MRTFA: variants seen among roughly 807,000 people sequenced by gnomAD.
MRTFA encodes the protein myocardin related transcription factor A, also known as myocardin-related transcription factor A.
Under a neutral mutation model 83.5 loss-of-function variants are expected in MRTFA, and 20 were observed. The observed-to-expected ratio is 0.24, with a 90% confidence interval of 0.17 to 0.35. The LOEUF (loss-of-function observed/expected upper bound fraction) is 0.35, where lower values mean the gene tolerates loss of function less well. Ranked by LOEUF, MRTFA falls within the 10% of genes least tolerant of loss-of-function variation. The probability of loss-of-function intolerance (pLI) is 1.00; values close to 1 mark genes in which losing one functional copy is unlikely to be tolerated. For missense variants in MRTFA, 1,200 were observed against 1,224.7 expected (o/e 0.98, Z 0.30); for synonymous variants, 659 against 541.2 (o/e 1.22, Z -3.02).
intron 1 of MRTFA, among the ~76,000 whole-genome samples, chr22:40,605,301 T>A (rs1354590781): frequency 6.6e-6 from 1 of 152,208 alleles, no homozygotes; most frequent in African/African-American, 2.4e-5. Flanking sequence ...AAAACCAATT[T>A]CAAACTTCTC....
intron 4 of MRTFA, among the ~76,000 whole-genome samples, chr22:40,450,836 G>T (rs995879132): frequency 6.6e-6 from 1 of 152,116 alleles, no homozygotes; most frequent in Non-Finnish European, 1.5e-5. Flanking sequence ...ATTCCAATGT[G>T]GACAAGAACC....
intron 3 of MRTFA, among the ~76,000 whole-genome samples, chr22:40,517,610 A>T (rs1388181502): frequency 6.6e-6 from 1 of 152,154 alleles, no homozygotes; most frequent in Non-Finnish European, 1.5e-5. Context: ...GCCACACTGC[A>T]ATGTTGTGAT....
intron 1 of MRTFA, among the ~76,000 whole-genome samples, chr22:40,615,904 T>G (rs1455237228): frequency 1.3e-5 from 2 of 152,040 alleles, no homozygotes; most frequent in Non-Finnish European, 2.9e-5. Flanking sequence ...AGGCTGGTCT[T>G]GAACTCCTAA....
intron 1 of MRTFA, among the ~76,000 whole-genome samples, chr22:40,601,120 T>C (rs2056254367): frequency 1.3e-5 from 2 of 152,218 alleles, no homozygotes; most frequent in African/African-American, 4.8e-5. Context: ...TGACCATTAT[T>C]AAGACTCAGA....
In MRTFA at chr22:40,464,507, T is replaced by TA. The variant is rs571765005; in HGVS notation, c.242-1222dup. Among the ~76,000 whole-genome samples the TA allele has an allele frequency of 1.2e-3, 157 of 129,022 alleles. 2 individuals are homozygous for TA. The South Asian group carries it at 0.012, about 10-fold the overall frequency. 84.6% of individuals were successfully genotyped at this position (129,022 alleles called of 152,430 possible). A position where few individuals can be genotyped will look rare whatever the true frequency, so the allele number is the denominator to read the frequency against. On this transcript the variant is annotated intron_variant, in intron 3 of 14. Transcript: ENST00000355630. ...CTGGGCAACAGAGCAAGACCCCGTC[T>TA]AAAAAAAAAAAAGAAAGAAAAAAAA...
chr22:40,534,211 CT>C (rs1299379388), intron 3 of MRTFA, among the ~76,000 whole-genome samples: 1 of 152,112 alleles, frequency 6.6e-6, no homozygotes, highest in Admixed American at 6.5e-5. Flanking sequence ...ATTCCAACGG[CT>C]TTTTTATATG....
chr22:40,598,035 T>C (rs1325027007), intron 1 of MRTFA, among the ~76,000 whole-genome samples: 2 of 152,182 alleles, frequency 1.3e-5, no homozygotes, highest in Admixed American at 6.5e-5. Context: ...ACTAAAACAA[T>C]AGTCCTTCAA....
intron 3 of MRTFA, among the ~76,000 whole-genome samples, chr22:40,470,282 A>AGAG (rs2053886396): frequency 1.3e-5 from 1 of 79,132 alleles, no homozygotes; most frequent in South Asian, 4.7e-4. Context: ...TATATATATA[A>AGAG]AGAAACATAA....
intron 3 of MRTFA, among the ~76,000 whole-genome samples, chr22:40,542,596 C>T (rs560230735): frequency 3.3e-5 from 5 of 152,160 alleles, no homozygotes; most frequent in African/African-American, 1.2e-4. Context: ...ATTATTTAAG[C>T]CAATATTTCC....
chr22:40,472,407 G>T (rs1028731014), intron 3 of MRTFA, among the ~76,000 whole-genome samples: 2 of 152,226 alleles, frequency 1.3e-5, no homozygotes, highest in African/African-American at 2.4e-5. Flanking sequence ...CTAATAAGCA[G>T]TAAGTAGCCT....
At chr22:40,479,528 A>T (rs2054053801) in intron 3 of MRTFA, among the ~76,000 whole-genome samples, 2 of 152,290 alleles carry the variant, frequency 1.3e-5, no homozygotes, top group Non-Finnish European at 2.9e-5. Flanking sequence ...AAAATAAAAT[A>T]AAAAACATGG....
intron 3 of MRTFA, among the ~76,000 whole-genome samples, chr22:40,511,719 G>T (rs983203010): frequency 1.3e-5 from 2 of 152,178 alleles, no homozygotes; most frequent in African/African-American, 4.8e-5. Flanking sequence ...TGGCACTGTG[G>T]CAAGTGCCTA....
intron 2 of MRTFA, among the ~76,000 whole-genome samples, chr22:40,583,467 G>C (rs2055979600): frequency 6.6e-6 from 1 of 152,186 alleles, no homozygotes; most frequent in African/African-American, 2.4e-5. Flanking sequence ...AGAGAATGTT[G>C]CAAGTAATCA....
chr22:40,498,288 T>A (rs1376597577), intron 3 of MRTFA, among the ~76,000 whole-genome samples: 35 of 110,660 alleles, frequency 3.2e-4, no homozygotes, highest in Middle Eastern at 4.0e-3. Context: ...TTTTTTTTTT[T>A]TTTTTTTTTT....
rs545575581 is a variant in MRTFA at position 40,469,486 on chromosome 22, C to A, written c.242-6200G>T. Among the ~76,000 whole-genome samples, 6 of 152,272 alleles carry A rather than the reference C, an allele frequency of 3.9e-5. No homozygotes were observed. The South Asian group carries it at 1.2e-3, about 32-fold the overall frequency. On this transcript the variant is annotated intron_variant, in intron 3 of 14. Coordinates refer to ENST00000355630, the MANE Select transcript of MRTFA (RefSeq NM_020831.6). ...AGCAGACGCTGGTGCAATGCTTGTA[C>A]AGCCTGAAAAACCATGAGCCAAATA...
At chr22:40,412,005 A>AT in intron 14 of MRTFA, 98 bp from the exon 15 acceptor site, 1 of 1,070,916 alleles carries the variant, frequency 9.3e-7, no homozygotes, top group African/African-American at 1.6e-5. Context: ...CACACCATTT[A>AT]CAAAAATAAA....
intron 3 of MRTFA, among the ~76,000 whole-genome samples, chr22:40,539,089 G>A (rs2055242674): frequency 1.4e-5 from 2 of 145,086 alleles, no homozygotes; most frequent in Admixed American, 1.4e-4. Flanking sequence ...CCGCCTCCCA[G>A]GTTCAAGTGA....
chr22:40,463,290 C>A lies in MRTFA; in HGVS notation c.242-4G>T, dbSNP rs914629852. 1.2e-6 allele frequency: 2 copies of A among 1,613,786 alleles called. No individual in the cohort carries two copies. Among genetic ancestry groups the A allele is most frequent in the Non-Finnish European group, 1.7e-6 (2 of 1,179,778 alleles). On this transcript the variant is annotated splice_polypyrimidine_tract_variant and splice_region_variant and intron_variant, in intron 3 of 14. Transcript: ENST00000355630. Reference sequence around the variant, plus strand: ...TGCTGGAGTTTCAACTGTAGCACTGCAGGGCAGCAGAGAGAGAGGAGAGAT... The same window carrying A: ...TGCTGGAGTTTCAACTGTAGCACTGAAGGGCAGCAGAGAGAGAGGAGAGAT...
At chr22:40,459,166 T>C (rs1463497824) in intron 4 of MRTFA, among the ~76,000 whole-genome samples, 2 of 144,832 alleles carry the variant, frequency 1.4e-5, no homozygotes, top group Non-Finnish European at 3.0e-5. Context: ...GCAGAGGATG[T>C]TGGAGATTAC....
Sources: allele counts gnomAD v4.1 joint callset (sites outside exome capture counted in the v4.1 genomes callset), GRCh38; gene constraint gnomAD v4.1.1; transcripts MANE v1.5; gene names NCBI Gene and HGNC (gene_info 2026-07-23, HGNC 2026-07-21).